LRRC1: variants seen among roughly 807,000 people sequenced by gnomAD.
LRRC1 encodes the protein leucine rich repeat containing 1.
In LRRC1, 28 loss-of-function variants were observed where a neutral mutation model predicts 69.9. The observed-to-expected ratio is 0.40, with a 90% CI of 0.30 to 0.55. LRRC1 has a LOEUF of 0.55. LRRC1 is among the 20% of genes least tolerant of loss of function. LRRC1 has a pLI of 0.47. For missense variants in LRRC1, 498 were observed against 609.0 expected, an observed-to-expected ratio of 0.82 and a Z score of 1.92; for synonymous variants, 236 against 240.2, an observed-to-expected ratio of 0.98 and a Z score of 0.16.
At chr6:53,889,904 T>C (rs1043889656) in intron 4 of LRRC1, among the ~76,000 whole-genome samples, 5 of 152,226 alleles carry the variant, frequency 3.3e-5, no homozygotes, top group African/African-American at 1.2e-4. Context: ...GGAAATACTC[T>C]GTAATGTAAC....
chr6:53,874,620 G>C (rs930775454), intron 2 of LRRC1, among the ~76,000 whole-genome samples: 2 of 152,082 alleles, frequency 1.3e-5, no homozygotes, highest in Admixed American at 1.3e-4. Flanking sequence ...GAGGTTGTTG[G>C]AGCAAGACAT....
At chr6:53,857,232 A>C (rs1178860626) in intron 2 of LRRC1, among the ~76,000 whole-genome samples, 1 of 152,164 alleles carries the variant, frequency 6.6e-6, no homozygotes, top group African/African-American at 2.4e-5. Flanking sequence ...GGAATTGGAA[A>C]GGCAGATGAG....
intron 4 of LRRC1, among the ~76,000 whole-genome samples, chr6:53,889,683 T>C (rs571014964): frequency 1.3e-5 from 2 of 152,300 alleles, no homozygotes; most frequent in African/African-American, 4.8e-5. Context: ...CTTTTCGGTA[T>C]GATGAAAATT....
intron 12 of LRRC1, 36 bp from the exon 13 acceptor site, chr6:53,920,589 C>T (rs200385526): frequency 7.7e-5 from 125 of 1,613,610 alleles, no homozygotes; most frequent in African/African-American, 1.1e-4. Flanking sequence ...TCACATGAAA[C>T]GCAATTCCCT....
At chr6:53,849,803 A>C (rs1766068487) in intron 2 of LRRC1, among the ~76,000 whole-genome samples, 1 of 152,230 alleles carries the variant, frequency 6.6e-6, no homozygotes, top group South Asian at 2.1e-4. Flanking sequence ...AATAATGAAA[A>C]TGATTTTTAA....
chr6:53,910,280 C>T (rs981135289), intron 10 of LRRC1, among the ~76,000 whole-genome samples: 1 of 152,156 alleles, frequency 6.6e-6, no homozygotes, highest in Non-Finnish European at 1.5e-5. Flanking sequence ...CAGCTTCCTA[C>T]ATAACTGGTA....
intron 2 of LRRC1, among the ~76,000 whole-genome samples, chr6:53,869,564 C>T (rs373281672): frequency 1.3e-5 from 2 of 152,244 alleles, no homozygotes; most frequent in Admixed American, 1.3e-4. Context: ...CATGAAATAA[C>T]AATGTTCTGA....
chr6:53,808,686 C>G (rs899865363), intron 1 of LRRC1, among the ~76,000 whole-genome samples: 2 of 46,254 alleles, frequency 4.3e-5, no homozygotes, highest in Non-Finnish European at 1.1e-4. Flanking sequence ...ATCCAGTGTT[C>G]CTTATCATGG....
chr6:53,875,999 G>A (rs931094684), intron 2 of LRRC1, among the ~76,000 whole-genome samples: 2 of 152,006 alleles, frequency 1.3e-5, no homozygotes, highest in African/African-American at 4.8e-5. Flanking sequence ...TTGGCACCAC[G>A]GACCGGTTTT....
Position 53,869,296 on chromosome 6 carries a change from G to C in LRRC1, c.278-9697G>C, listed in dbSNP as rs528307806. On this transcript the variant is annotated intron_variant, in intron 2 of 13. Transcript: ENST00000370888. ...GGAAATTGGTCATGAGTGTCAAAGA[G>C]GGGGATGGTGGGGTCTGGGGGAAAT... Among the ~76,000 whole-genome samples, 16 of 152,268 alleles carry C rather than the reference G, an allele frequency of 1.1e-4. No homozygotes were observed. The South Asian group carries it at 3.1e-3, about 30-fold the overall frequency.
chr6:53,796,149 C>A (rs1002967523), intron 1 of LRRC1, among the ~76,000 whole-genome samples: 35 of 152,260 alleles, frequency 2.3e-4, no homozygotes, highest in Non-Finnish European at 3.1e-4. Context: ...GCCTTGCAGC[C>A]GCCTTTCCCG....
chr6:53,874,998 T>C (rs1199920357), intron 2 of LRRC1, among the ~76,000 whole-genome samples: 1 of 152,230 alleles, frequency 6.6e-6, no homozygotes, highest in Non-Finnish European at 1.5e-5. Context: ...CATACTATTT[T>C]AGCAATACAA....
chr6:53,845,076 T>C (rs9370234), intron 2 of LRRC1, among the ~76,000 whole-genome samples: 56,634 of 151,814 alleles, frequency 0.37, 11,060 homozygotes, highest in East Asian at 0.68. Flanking sequence ...TGGTGGCACG[T>C]GCCTGTAATC....
At chr6:53,915,832 C>T (rs1768546949) in intron 11 of LRRC1, among the ~76,000 whole-genome samples, 1 of 152,128 alleles carries the variant, frequency 6.6e-6, no homozygotes, top group Non-Finnish European at 1.5e-5. Flanking sequence ...TATTTAATCA[C>T]TACTTATTAA....
chr6:53,909,043 C>T (rs149233354), intron 10 of LRRC1, among the ~76,000 whole-genome samples: 157 of 152,246 alleles, frequency 1.0e-3, no homozygotes, highest in African/African-American at 3.5e-3. Context: ...CCCTTTGATT[C>T]TGCAATTCCA....
intron 1 of LRRC1, among the ~76,000 whole-genome samples, chr6:53,809,487 G>A (rs920447072): frequency 6.6e-6 from 1 of 152,182 alleles, no homozygotes; most frequent in African/African-American, 2.4e-5. Flanking sequence ...GGAGCAAAGC[G>A]AATCAGATCT....
chr6:53,884,152 G>A (rs931498660), intron 4 of LRRC1: 2 of 609,904 alleles, frequency 3.3e-6, no homozygotes, highest in African/African-American at 1.9e-5. Flanking sequence ...GTATTTTATT[G>A]TGAATTTCAT....
At chr6:53,891,202 C>T (rs1409107636) in intron 4 of LRRC1, among the ~76,000 whole-genome samples, 6 of 151,996 alleles carry the variant, frequency 3.9e-5, no homozygotes, top group Non-Finnish European at 8.8e-5. Flanking sequence ...TCCTGCCCCC[C>T]AACTTCCTTT....
intron 1 of LRRC1, among the ~76,000 whole-genome samples, chr6:53,817,534 A>G (rs1430651449): frequency 6.6e-6 from 1 of 152,180 alleles, no homozygotes; most frequent in African/African-American, 2.4e-5. Context: ...ACCTAAAAAA[A>G]TCAAACTTAT....
Sources: allele counts gnomAD v4.1 joint callset (sites outside exome capture counted in the v4.1 genomes callset), GRCh38; gene constraint gnomAD v4.1.1; transcripts MANE v1.5; gene names NCBI Gene and HGNC (gene_info 2026-07-23, HGNC 2026-07-21).